EXT1: variants seen among roughly 807,000 people sequenced by gnomAD.
EXT1 encodes the protein exostosin-1.
In EXT1, 20 loss-of-function variants were observed where a neutral mutation model predicts 82.5. The observed-to-expected ratio is 0.24, with a 90% CI of 0.17 to 0.35. EXT1 has a LOEUF of 0.35. Ranked by LOEUF, EXT1 falls within the 10% of genes least tolerant of loss-of-function variation. EXT1 has a pLI of 1.00. For synonymous variants in EXT1, 348 were observed against 350.8 expected, an observed-to-expected ratio of 0.99 and a Z score of 0.09; for missense variants, 757 against 936.5, an observed-to-expected ratio of 0.81 and a Z score of 2.50.
intron 10 of EXT1, among the ~76,000 whole-genome samples, chr8:117,803,444 G>A (rs1234721358): frequency 2.0e-5 from 3 of 152,092 alleles, no homozygotes; most frequent in Admixed American, 2.0e-4. Context: ...TGATCTGCCT[G>A]CCTCGGCCTC....
At chr8:118,058,284 C>T (rs1816827520) in intron 1 of EXT1, among the ~76,000 whole-genome samples, 1 of 152,180 alleles carries the variant, frequency 6.6e-6, no homozygotes, top group African/African-American at 2.4e-5. Flanking sequence ...TTAGTAGCCA[C>T]ACTACCAGCA....
chr8:118,104,719 G>T (rs1170447286), intron 1 of EXT1, among the ~76,000 whole-genome samples: 1 of 152,078 alleles, frequency 6.6e-6, no homozygotes, highest in African/African-American at 2.4e-5. Context: ...TCAAAAATCC[G>T]AAATCCAAAA....
chr8:118,007,707 T>A (rs898170306), intron 1 of EXT1, among the ~76,000 whole-genome samples: 1 of 152,232 alleles, frequency 6.6e-6, no homozygotes, highest in African/African-American at 2.4e-5. Context: ...TGTAGTTTCA[T>A]TCGCATCACC....
intron 1 of EXT1, among the ~76,000 whole-genome samples, chr8:118,046,182 G>A (rs1816619629): frequency 6.6e-6 from 1 of 151,776 alleles, no homozygotes; most frequent in African/African-American, 2.4e-5. Flanking sequence ...CATCTTCCAG[G>A]ACTGGGTCTA....
chr8:117,819,754 C>A lies in EXT1; in HGVS notation c.1458G>T (p.Ala486=), dbSNP rs765275156. The A allele has an allele frequency of 2.5e-6, 4 of 1,613,232 alleles. No individual in the cohort carries two copies. Among genetic ancestry groups the A allele is most frequent in the East Asian group, 2.2e-5 (1 of 44,876 alleles). Residue 486 remains alanine, a synonymous_variant, in exon 6 of 11, where the codon GCG becomes GCT. Transcript: ENST00000378204. ...PPSKFTAVIH[A]VTPLVSQSQP... ...GGGACTGAGAGACCAGGGGGGTCAC[C>A]GCATGGATGACTGCAGTGAATTTGG...
chr8:117,881,990 T>C (rs1295352721), intron 1 of EXT1, among the ~76,000 whole-genome samples: 4 of 152,234 alleles, frequency 2.6e-5, no homozygotes, highest in African/African-American at 9.6e-5. Flanking sequence ...AGTCAAGTGC[T>C]GATCAATCTA....
intron 7 of EXT1, among the ~76,000 whole-genome samples, chr8:117,814,077 AAGAAGGAGAAGG>A (rs934494460): frequency 7.2e-5 from 11 of 151,810 alleles, no homozygotes; most frequent in African/African-American, 1.7e-4. Flanking sequence ...GGAGGAGGAG[AAGAAGGAGAAGG>A]AGAAGGAGAA....
At chr8:117,852,287 G>GTCAT (rs750673164) in intron 1 of EXT1, among the ~76,000 whole-genome samples, 22 of 152,112 alleles carry the variant, frequency 1.4e-4, no homozygotes, top group Non-Finnish European at 1.6e-4. Flanking sequence ...TCTGTCATGA[G>GTCAT]GGACACCATG....
intron 1 of EXT1, among the ~76,000 whole-genome samples, chr8:117,970,826 T>G (rs543003907): frequency 8.5e-5 from 13 of 152,120 alleles, no homozygotes; most frequent in Non-Finnish European, 1.8e-4. Context: ...ATCCATGGAG[T>G]GCAGCAGTTC....
At chr8:118,024,477 A>G (rs1816167797) in intron 1 of EXT1, among the ~76,000 whole-genome samples, 1 of 152,032 alleles carries the variant, frequency 6.6e-6, no homozygotes, top group East Asian at 1.9e-4. Flanking sequence ...CGGAGATCCT[A>G]TTATATTCCA....
At chr8:117,845,414 G>C (rs971222675) in intron 1 of EXT1, among the ~76,000 whole-genome samples, 1 of 152,080 alleles carries the variant, frequency 6.6e-6, no homozygotes, top group Admixed American at 6.5e-5. Flanking sequence ...CTTAAACTTA[G>C]CCCAAGTGGT....
intron 1 of EXT1, among the ~76,000 whole-genome samples, chr8:117,942,258 G>A (rs1234640640): frequency 6.6e-6 from 1 of 152,070 alleles, no homozygotes; most frequent in East Asian, 1.9e-4. Context: ...GACCACAACT[G>A]CACCACCTAT....
At chr8:118,098,758 C>CAAAA (rs3050886) in intron 1 of EXT1, among the ~76,000 whole-genome samples, 4 of 128,140 alleles carry the variant, frequency 3.1e-5, no homozygotes, top group Non-Finnish European at 3.3e-5. Context: ...GACTCTGTCT[C>CAAAA]AAAAAAAAAA....
At chr8:117,952,439 T>C (rs998248589) in intron 1 of EXT1, among the ~76,000 whole-genome samples, 1 of 152,212 alleles carries the variant, frequency 6.6e-6, no homozygotes, top group Non-Finnish European at 1.5e-5. Flanking sequence ...TTAAGGAATC[T>C]ATGTTTAGAA....
chr8:117,998,251 A>G (rs986443885), intron 1 of EXT1, among the ~76,000 whole-genome samples: 15 of 152,018 alleles, frequency 9.9e-5, no homozygotes, highest in Non-Finnish European at 4.4e-5. Context: ...TGACCTCGTG[A>G]TCCACCTGTC....
rs897270056 is a variant in EXT1 at position 118,041,912 on chromosome 8, C to A, written c.962+68173G>T. Among the ~76,000 whole-genome samples the A allele has an allele frequency of 9.5e-5, 14 of 147,694 alleles. No homozygotes were observed. In the East Asian group the frequency reaches 2.8e-3, roughly 30 times the overall value. ...GCAGTGAGCTGAGATCACGCCACTG[C>A]ATTCCAGCCTGGGTGACAGAGCGAG... On this transcript the variant is annotated intron_variant, in intron 1 of 10. Transcript: ENST00000378204.
intron 1 of EXT1, among the ~76,000 whole-genome samples, chr8:118,083,725 G>A (rs1397975394): frequency 6.6e-6 from 1 of 152,092 alleles, no homozygotes; most frequent in Non-Finnish European, 1.5e-5. Flanking sequence ...TGGTCAATGG[G>A]TCTCAATAAG....
intron 1 of EXT1, among the ~76,000 whole-genome samples, chr8:118,056,076 A>G (rs369433206): frequency 1.8e-5 from 1 of 57,096 alleles, no homozygotes; most frequent in Admixed American, 2.4e-4. Flanking sequence ...ATGAGCTAGG[A>G]AAAAAAAAAT....
chr8:117,817,614 T>A (rs911175035), intron 7 of EXT1, among the ~76,000 whole-genome samples: 1 of 152,028 alleles, frequency 6.6e-6, no homozygotes, highest in South Asian at 2.1e-4. Context: ...TATGGGAATG[T>A]TGACAAGCAG....
Sources: gnomAD v4.1 joint callset for allele counts (sites outside exome capture counted in the v4.1 genomes callset) on GRCh38, gnomAD v4.1.1 for gene constraint, MANE v1.5 for transcripts, NCBI Gene and HGNC (gene_info 2026-07-23, HGNC 2026-07-21) for gene names.